Variants in PDGFRL observed in about 807,000 individuals in gnomAD.
The protein encoded by PDGFRL is platelet derived growth factor receptor like, also known as platelet-derived growth factor receptor-like protein.
PDGFRL carries 46 observed loss-of-function variants against 37.2 expected under a neutral mutation model. The ratio of observed to expected loss-of-function variants is 1.24; its 90% CI spans 0.98 to 1.58. PDGFRL has a LOEUF of 1.58. Among genes scored for constraint, PDGFRL ranks in the 40% most tolerant of loss-of-function variants. The pLI, the probability that PDGFRL is intolerant of heterozygous loss-of-function variation, is 0.00. For synonymous variants in PDGFRL, 251 were observed against 184.3 expected (o/e 1.36, Z -2.93); for missense variants, 692 against 467.6 (o/e 1.48, Z -4.43).
chr8:17,634,536 C>G (rs1804931026), intron 5 of PDGFRL, among the ~76,000 whole-genome samples: 1 of 151,712 alleles, frequency 6.6e-6, no homozygotes, highest in African/African-American at 2.4e-5. Context: ...CATTGCAGCG[C>G]CATTCACAAT....
intron 2 of PDGFRL, among the ~76,000 whole-genome samples, chr8:17,617,077 A>G (rs936561117): frequency 2.6e-5 from 4 of 152,210 alleles, no homozygotes; most frequent in African/African-American, 9.6e-5. Flanking sequence ...GATGGGAGCA[A>G]GACTCTGTGT....
chr8:17,638,024 G>GGT (rs1247963204), intron 5 of PDGFRL, among the ~76,000 whole-genome samples: 1 of 151,888 alleles, frequency 6.6e-6, no homozygotes, highest in African/African-American at 2.4e-5. Context: ...TTTATCTTTT[G>GGT]TATTTTTTTG....
intron 1 of PDGFRL, among the ~76,000 whole-genome samples, chr8:17,587,659 C>G (rs1212764428): frequency 2.0e-5 from 3 of 152,054 alleles, no homozygotes; most frequent in Non-Finnish European, 4.4e-5. Context: ...CGGTCTCAGT[C>G]TCAGTCTCCA....
At chr8:17,640,715 T>A (rs1021336973) in intron 5 of PDGFRL, among the ~76,000 whole-genome samples, 6 of 151,984 alleles carry the variant, frequency 3.9e-5, no homozygotes, top group East Asian at 1.9e-4. Context: ...GGTCCTTAGT[T>A]GTAGTTTCGT....
In PDGFRL at chr8:17,642,785, C is replaced by G; in HGVS notation, c.1112C>G (p.Thr371Ser). The G allele has an allele frequency of 6.2e-7, 1 of 1,603,456 alleles. No homozygotes were observed. The highest frequency in any genetic ancestry group is 8.5e-7 in the Non-Finnish European group (1 of 1,171,314). Residue 371 changes from threonine to serine, a missense_variant, in exon 6 of 6, where the codon ACT (threonine) becomes AGT (serine). Physicochemically the swap from Thr to Ser is moderately conservative, Grantham distance 58. Coordinates refer to ENST00000251630, the MANE Select transcript of PDGFRL (RefSeq NM_001372073.1). ...CAAGGACAGACCACAGTAGCTACCACTGTTGAGTTTTCCTGACTTGGAAAA... is the reference window on the plus strand; with the variant it reads ...CAAGGACAGACCACAGTAGCTACCAGTGTTGAGTTTTCCTGACTTGGAAAA... The part of the protein sequence containing the change: ...NLQGQTTVAT[T>S]VEFS
chr8:17,609,554 C>G lies in PDGFRL; in HGVS notation c.354-11497C>G, dbSNP rs1804359062. On this transcript the variant is annotated intron_variant, in intron 2 of 5. Coordinates refer to ENST00000251630, the MANE Select transcript of PDGFRL (RefSeq NM_001372073.1). ...TCAGGAGGCTAAAGCAGGAGAATCG[C>G]TTGAACCTGGGAGGTGGAGGTTGCA... 2.2e-5 allele frequency among the ~76,000 whole-genome samples: 3 copies of G among 137,736 alleles called. No individual in the cohort carries two copies. In the South Asian group the frequency reaches 7.1e-4, roughly 33 times the overall value. The allele number at this position is 137,736 out of a possible 152,430, so 90.4% of individuals were successfully genotyped here. A position where few individuals can be genotyped will look rare whatever the true frequency, so the allele number is the denominator to read the frequency against.
chr8:17,591,897 A>G (rs1585303082), intron 2 of PDGFRL, among the ~76,000 whole-genome samples: 1 of 152,162 alleles, frequency 6.6e-6, no homozygotes, highest in Admixed American at 6.5e-5. Flanking sequence ...GCCTAGCAAC[A>G]TCGCGATACT....
chr8:17,605,548 A>G (rs1034567269), intron 2 of PDGFRL, among the ~76,000 whole-genome samples: 2 of 152,168 alleles, frequency 1.3e-5, no homozygotes, highest in Admixed American at 1.3e-4. Context: ...AATTCTTGGC[A>G]CCGCGCTGAG....
intron 3 of PDGFRL, among the ~76,000 whole-genome samples, chr8:17,627,003 C>G (rs371577199): frequency 1.3e-5 from 2 of 152,210 alleles, no homozygotes; most frequent in Admixed American, 1.3e-4. Context: ...TTCAAGCCGA[C>G]GCCATTCCCC....
At chr8:17,632,088 C>T (rs1421287473) in intron 4 of PDGFRL, among the ~76,000 whole-genome samples, 2 of 152,198 alleles carry the variant, frequency 1.3e-5, no homozygotes, top group Non-Finnish European at 2.9e-5. Flanking sequence ...TCTTCCTCCT[C>T]CTCTGCCTTG....
At chr8:17,602,916 G>A (rs1804196536) in intron 2 of PDGFRL, among the ~76,000 whole-genome samples, 1 of 152,240 alleles carries the variant, frequency 6.6e-6, no homozygotes. Flanking sequence ...AGGCTACGTA[G>A]TGGTCACAGT....
At chr8:17,627,294 G>A (rs1252523927) in intron 3 of PDGFRL, among the ~76,000 whole-genome samples, 3 of 152,192 alleles carry the variant, frequency 2.0e-5, no homozygotes, top group Non-Finnish European at 2.9e-5. Context: ...GTAGTTTACA[G>A]CTTATTAGCT....
rs781210750 is a variant in PDGFRL, at chr8:17,628,786, C to G, written c.799+6C>G. 19 of 1,602,184 alleles carry G rather than the reference C, an allele frequency of 1.2e-5. No individual in the cohort carries two copies. Among genetic ancestry groups the G allele is most frequent in the Non-Finnish European group, 8.5e-7 (1 of 1,169,698 alleles). On this transcript the variant is annotated splice_donor_region_variant and intron_variant, in intron 4 of 5. Transcript: ENST00000251630. ...CCAGCTGCTCTATGTGGCGGGTAAGCCTGGCCACCCCTGCCTAGATTCTAG... is the reference window on the plus strand; with the variant it reads ...CCAGCTGCTCTATGTGGCGGGTAAGGCTGGCCACCCCTGCCTAGATTCTAG...
intron 5 of PDGFRL, among the ~76,000 whole-genome samples, chr8:17,641,898 C>CCCGCCCCCCCCCACCCCCCCCT: frequency 1.5e-5 from 2 of 129,952 alleles, no homozygotes; most frequent in Middle Eastern, 3.7e-3. Flanking sequence ...AATAGAGGTC[C>CCCGCCCCCCCCCACCCCCCCCT]CCGCCACATT....
chr8:17,629,937 C>G lies in PDGFRL; in HGVS notation c.799+1157C>G, dbSNP rs184325402. Reference sequence around the variant, plus strand: ...ACCCATGAGGCTTAGATCCTGGGTCCCACCACATCAGTACTCACTACCCAC... The same window carrying G: ...ACCCATGAGGCTTAGATCCTGGGTCGCACCACATCAGTACTCACTACCCAC... On this transcript the variant is annotated intron_variant, in intron 4 of 5. Transcript: ENST00000251630. Among the ~76,000 whole-genome samples, 1,267 of 152,242 alleles carry G rather than the reference C, an allele frequency of 8.3e-3. 10 individuals carry two copies. Among genetic ancestry groups the G allele is most frequent in the South Asian group, 0.039 (190 of 4,820 alleles).
chr8:17,589,948 C>T (rs1803899247), intron 2 of PDGFRL, among the ~76,000 whole-genome samples, 183 bp downstream of exon 2: 1 of 151,840 alleles, frequency 6.6e-6, no homozygotes, highest in African/African-American at 2.4e-5. Context: ...ATAACAATTG[C>T]AGGCCGGGTG....
At chr8:17,625,967 C>T (rs1804725328) in intron 3 of PDGFRL, among the ~76,000 whole-genome samples, 1 of 152,228 alleles carries the variant, frequency 6.6e-6, no homozygotes, top group African/African-American at 2.4e-5. Context: ...TGCACTCCAG[C>T]CTGGGCAACA....
At chr8:17,580,726 G>T (rs957671571) in intron 1 of PDGFRL, among the ~76,000 whole-genome samples, 2 of 152,152 alleles carry the variant, frequency 1.3e-5, no homozygotes, top group African/African-American at 4.8e-5. Flanking sequence ...CTTTAAAACC[G>T]CAGAAGTTTG....
intron 5 of PDGFRL, among the ~76,000 whole-genome samples, chr8:17,639,550 T>A (rs1382717991): frequency 6.6e-6 from 1 of 152,192 alleles, no homozygotes. Flanking sequence ...AGTTTTGCTG[T>A]ACACAAAATT....
Sources: gnomAD v4.1 joint callset for allele counts (sites outside exome capture counted in the v4.1 genomes callset) on GRCh38, gnomAD v4.1.1 for gene constraint, MANE v1.5 for transcripts, NCBI Gene and HGNC (gene_info 2026-07-23, HGNC 2026-07-21) for gene names.